The following ARSB variants were observed in gnomAD, a reference collection of about 807,000 sequenced individuals.
ARSB encodes N-acetylgalactosamine-4-sulfatase.
In ARSB, 41 loss-of-function variants were observed where a neutral mutation model predicts 50.9. The observed-to-expected ratio is 0.81, with a 90% CI of 0.63 to 1.04. The LOEUF (loss-of-function observed/expected upper bound fraction) is 1.04, where lower values mean the gene tolerates loss of function less well. ARSB is among the 50% of genes least tolerant of loss of function. The pLI, the probability that ARSB is intolerant of heterozygous loss-of-function variation, is 0.00. For missense variants in ARSB, 672 were observed against 693.3 expected (o/e 0.97, Z 0.35); for synonymous variants, 269 against 284.8 (o/e 0.94, Z 0.56).
At chr5:78,934,327 T>G (rs1396198584) in intron 4 of ARSB, among the ~76,000 whole-genome samples, 1 of 152,180 alleles carries the variant, frequency 6.6e-6, no homozygotes, top group African/African-American at 2.4e-5. Flanking sequence ...TGGATGTCAT[T>G]TGGAGCAAAA....
chr5:78,792,144 T>G (rs1742971163), intron 6 of ARSB, among the ~76,000 whole-genome samples: 1 of 152,108 alleles, frequency 6.6e-6, no homozygotes, highest in Non-Finnish European at 1.5e-5. Context: ...TTTGGGAGGC[T>G]GAGGCGGGCA....
At chr5:78,897,284 G>A (rs1375622156) in intron 4 of ARSB, among the ~76,000 whole-genome samples, 2 of 152,058 alleles carry the variant, frequency 1.3e-5, no homozygotes, top group East Asian at 1.9e-4. Flanking sequence ...GGGTTATTAC[G>A]GGCATTGCAT....
chr5:78,941,875 A>G (rs919867488), intron 4 of ARSB, among the ~76,000 whole-genome samples: 12 of 152,156 alleles, frequency 7.9e-5, no homozygotes, highest in African/African-American at 2.9e-4. Flanking sequence ...TCCTCCTTGT[A>G]CCTCTGGTAG....
At chr5:78,876,598 A>G (rs1005816711) in intron 5 of ARSB, among the ~76,000 whole-genome samples, 2 of 152,330 alleles carry the variant, frequency 1.3e-5, no homozygotes, top group Admixed American at 6.5e-5. Context: ...ATGTAGTCCA[A>G]TGAATTCCTT....
intron 4 of ARSB, among the ~76,000 whole-genome samples, chr5:78,932,910 C>T (rs114643198): frequency 1.3e-5 from 2 of 152,284 alleles, no homozygotes; most frequent in African/African-American, 4.8e-5. Flanking sequence ...AGCCCCAGCT[C>T]CTCTGTGAAG....
intron 3 of ARSB, among the ~76,000 whole-genome samples, chr5:78,960,854 C>T (rs1419413825): frequency 1.3e-5 from 2 of 152,182 alleles, no homozygotes; most frequent in East Asian, 3.8e-4. Flanking sequence ...TGGGCCAGTG[C>T]ACCCGGCTGA....
chr5:78,920,041 G>A (rs1749728690), intron 4 of ARSB, among the ~76,000 whole-genome samples: 1 of 141,362 alleles, frequency 7.1e-6, no homozygotes, highest in South Asian at 2.2e-4. Context: ...GCATTTTCAG[G>A]GAAAAAAAGG....
chr5:78,790,953 T>C (rs1453808006), intron 6 of ARSB, among the ~76,000 whole-genome samples: 1 of 152,238 alleles, frequency 6.6e-6, no homozygotes, highest in Non-Finnish European at 1.5e-5. Flanking sequence ...AAGCTGTAAT[T>C]TACCACTTTT....
At chr5:78,795,535 C>A (rs1043151348) in intron 6 of ARSB, among the ~76,000 whole-genome samples, 3 of 152,180 alleles carry the variant, frequency 2.0e-5, no homozygotes, top group Non-Finnish European at 4.4e-5. Flanking sequence ...AATAGGGAGG[C>A]CTGACCACCA....
intron 6 of ARSB, among the ~76,000 whole-genome samples, chr5:78,817,774 A>T (rs1311154026): frequency 6.6e-6 from 1 of 152,056 alleles, no homozygotes; most frequent in Non-Finnish European, 1.5e-5. Flanking sequence ...ACGCCACTGT[A>T]CTCCAGCCTG....
At chr5:78,857,958 C>T (rs571267904) in intron 5 of ARSB, among the ~76,000 whole-genome samples, 1 of 152,278 alleles carries the variant, frequency 6.6e-6, no homozygotes, top group African/African-American at 2.4e-5. Context: ...ATACTTTACA[C>T]GTATCATTTC....
chr5:78,816,138 T>C (rs1743981582), intron 6 of ARSB: 2 of 1,614,168 alleles, frequency 1.2e-6, no homozygotes, highest in African/African-American at 1.3e-5. Context: ...AAAATGACTT[T>C]CCTGAAGATA....
intron 2 of ARSB, among the ~76,000 whole-genome samples, chr5:78,968,051 T>C (rs1433699121): frequency 1.3e-5 from 2 of 152,190 alleles, no homozygotes; most frequent in African/African-American, 2.4e-5. Context: ...TTTAGTTTCA[T>C]AGGGCTATCA....
intron 5 of ARSB, among the ~76,000 whole-genome samples, chr5:78,855,456 A>G (rs1581048063): frequency 6.6e-6 from 1 of 152,196 alleles, no homozygotes. Flanking sequence ...CCCACAGGGG[A>G]GCACAAAACA....
At chr5:78,864,909 G>C (rs776420696) in intron 5 of ARSB, among the ~76,000 whole-genome samples, 3 of 152,230 alleles carry the variant, frequency 2.0e-5, no homozygotes, top group Non-Finnish European at 4.4e-5. Context: ...CTCACATCCA[G>C]GTCACGCTGA....
intron 4 of ARSB, among the ~76,000 whole-genome samples, chr5:78,924,166 C>T (rs568452797): frequency 8.8e-4 from 134 of 152,284 alleles, no homozygotes; most frequent in Non-Finnish European, 1.5e-3. Flanking sequence ...TATTAAATTC[C>T]TGCTTATGCC....
Position 78,845,746 on chromosome 5 carries a change from T to A in ARSB, c.1143-6320A>T, listed in dbSNP as rs555495410. Among the ~76,000 whole-genome samples the A allele has an allele frequency of 1.6e-4, 25 of 152,250 alleles. No homozygotes were observed. The South Asian group carries it at 4.6e-3, about 28-fold the overall frequency. On this transcript the variant is annotated intron_variant, in intron 5 of 7. Transcript: ENST00000264914. ...TGGATTATTTGGGGGGTTTTTCTGT[T>A]GAATTGTTTCAGTTCCTTATATATT...
rs184289324 is a variant in ARSB at position 78,851,170 on chromosome 5, C to A, written c.1143-11744G>T. Among the ~76,000 whole-genome samples the A allele has an allele frequency of 5.9e-3, 895 of 152,276 alleles. 5 individuals are homozygous for A. The highest frequency in any genetic ancestry group is 8.7e-3 in the Non-Finnish European group (593 of 68,026). ...TGATGTTAGGGTGTCAATTTTGGAT[C>A]TTTCCTGCTTTCTCTTGTGGGCATT... On this transcript the variant is annotated intron_variant, in intron 5 of 7. Transcript: ENST00000264914.
At chr5:78,831,604 C>A (rs945689802) in intron 6 of ARSB, among the ~76,000 whole-genome samples, 18 of 152,220 alleles carry the variant, frequency 1.2e-4, no homozygotes, top group African/African-American at 4.1e-4. Context: ...ATGAGACCTG[C>A]GAAATCAGTA....
Sources: allele counts gnomAD v4.1 joint callset (sites outside exome capture counted in the v4.1 genomes callset), GRCh38; gene constraint gnomAD v4.1.1; transcripts MANE v1.5; gene names NCBI Gene and HGNC (gene_info 2026-07-23, HGNC 2026-07-21).